The following USP7 variants were observed in gnomAD, a reference collection of about 807,000 sequenced individuals.
The protein encoded by USP7 is ubiquitin specific peptidase 7.
USP7 carries 9 observed loss-of-function variants against 162.9 expected under a neutral mutation model. The observed-to-expected ratio is 0.06, with a 90% CI of 0.03 to 0.10. The LOEUF (loss-of-function observed/expected upper bound fraction) is 0.10, where lower values mean the gene tolerates loss of function less well. Ranked by LOEUF, USP7 falls within the 10% of genes least tolerant of loss-of-function variation. USP7 has a pLI of 1.00. For missense variants in USP7, 715 were observed against 1,373.7 expected, an observed-to-expected ratio of 0.52 and a Z score of 7.58; for synonymous variants, 562 against 475.9, an observed-to-expected ratio of 1.18 and a Z score of -2.35.
intron 1 of USP7, among the ~76,000 whole-genome samples, chr16:8,952,886 G>A (rs1160966739): frequency 6.6e-6 from 1 of 151,692 alleles, no homozygotes; most frequent in Non-Finnish European, 1.5e-5. Context: ...GCCCAGGCTA[G>A]AGTGCACTGG....
chr16:8,899,025 T>C (rs2061733416), intron 23 of USP7, 96 bp downstream of exon 23: 3 of 1,313,508 alleles, frequency 2.3e-6, no homozygotes, highest in Non-Finnish European at 1.1e-6. Flanking sequence ...TCAGGTGAAA[T>C]GGCGAGCTAA....
intron 10 of USP7, among the ~76,000 whole-genome samples, chr16:8,913,505 G>A (rs556881007): frequency 3.9e-5 from 6 of 152,076 alleles, no homozygotes; most frequent in South Asian, 4.1e-4. Context: ...GCAAGAAGAC[G>A]GTAGAACGTC....
intron 14 of USP7, among the ~76,000 whole-genome samples, chr16:8,904,889 G>A (rs1021737028): frequency 2.6e-5 from 4 of 152,080 alleles, no homozygotes; most frequent in Non-Finnish European, 4.4e-5. Context: ...GGAGAGTGGC[G>A]AGAACCCGGG....
intron 23 of USP7, 91 bp from the exon 24 acceptor site, chr16:8,898,730 T>C (rs1437437414): frequency 9.5e-7 from 1 of 1,051,432 alleles, no homozygotes; most frequent in Non-Finnish European, 1.4e-6. Context: ...ACCGCTGGCC[T>C]TACACCTGGT....
At chr16:8,910,967 C>G (rs79666243) in intron 10 of USP7, 140 bp from the exon 11 acceptor site, 1 of 701,952 alleles carries the variant, frequency 1.4e-6, no homozygotes, top group Non-Finnish European at 2.4e-6. Context: ...CCCCCTGTAG[C>G]CAAGACTGTA....
chr16:8,942,301 A>G (rs562652557), intron 1 of USP7, among the ~76,000 whole-genome samples: 72 of 152,286 alleles, frequency 4.7e-4, no homozygotes, highest in African/African-American at 1.6e-3. Context: ...AGTCTGTCGG[A>G]CCTGAGACAG....
chr16:8,913,429 G>A (rs1428932410), intron 10 of USP7, among the ~76,000 whole-genome samples: 1 of 151,980 alleles, frequency 6.6e-6, no homozygotes, highest in Non-Finnish European at 1.5e-5. Context: ...ATGGGGGCTT[G>A]GGGCAGAGAA....
At chr16:8,928,544 C>T (rs1898140874) in intron 2 of USP7, among the ~76,000 whole-genome samples, 1 of 152,198 alleles carries the variant, frequency 6.6e-6, no homozygotes, top group African/African-American at 2.4e-5. Context: ...GAGGATTGCG[C>T]AATTTGTACT....
At chr16:8,939,580 A>T (rs1234443977) in intron 1 of USP7, among the ~76,000 whole-genome samples, 2 of 152,262 alleles carry the variant, frequency 1.3e-5, no homozygotes, top group African/African-American at 4.8e-5. Context: ...GCAACAATGC[A>T]GACATAGATA....
At chr16:8,929,476 C>G in intron 2 of USP7, 1 of 456,048 alleles carries the variant, frequency 2.2e-6, no homozygotes. Context: ...GGCAGGAGGT[C>G]TGAACAGCAG....
Position 8,899,693 on chromosome 16 carries a change from G to A in USP7, c.2374C>T (p.His792Tyr), listed in dbSNP as rs1219132622. The change falls in exon 22 of 31, where the codon CAC becomes TAC. Residue 792 changes from histidine (H) to tyrosine (Y), a missense_variant. Physicochemically the swap from His to Tyr is moderately conservative, Grantham distance 83. Around this residue, in one of 11 missense-constraint regions of USP7, gnomAD observed 222 missense variants for 441.7 expected, o/e 0.50. Coordinates refer to ENST00000344836, the MANE Select transcript of USP7 (RefSeq NM_003470.3). ...TAKEYFRDLY[H>Y]RVDVIFCDKT... ...TCACAGAAAATGACATCAACGCGGT[G>A]GTAGAGATCTCGGAAATACTCCTTT... The A allele has an allele frequency of 6.2e-7, 1 of 1,614,172 alleles. No individual in the cohort carries two copies. Among genetic ancestry groups the A allele is most frequent in the East Asian group, 2.2e-5 (1 of 44,882 alleles).
At chr16:8,961,830 T>C (rs1281045118) in intron 1 of USP7, among the ~76,000 whole-genome samples, 1 of 152,188 alleles carries the variant, frequency 6.6e-6, no homozygotes, top group Non-Finnish European at 1.5e-5. Flanking sequence ...TAATCACACA[T>C]AACAGGCGCT....
intron 1 of USP7, among the ~76,000 whole-genome samples, chr16:8,938,970 T>A (rs1286916461): frequency 6.6e-6 from 1 of 152,068 alleles, no homozygotes; most frequent in Non-Finnish European, 1.5e-5. Context: ...CTGGAACCAA[T>A]CCACCATTAA....
intron 22 of USP7, 196 bp from the exon 23 acceptor site, chr16:8,899,384 A>C: frequency 1.3e-6 from 1 of 764,608 alleles, no homozygotes; most frequent in Non-Finnish European, 2.1e-6. Context: ...TAACTTTGGA[A>C]AGGGTTTTCA....
At chr16:8,904,640 T>A in intron 14 of USP7, 75 bp from the exon 15 acceptor site, 1 of 1,565,766 alleles carries the variant, frequency 6.4e-7, no homozygotes, top group Admixed American at 1.9e-5. Context: ...TTCTAGGTCA[T>A]CATTAATAAA....
intron 1 of USP7, among the ~76,000 whole-genome samples, chr16:8,937,503 T>C (rs572139657): frequency 1.2e-4 from 19 of 152,222 alleles, no homozygotes; most frequent in Admixed American, 3.3e-4. Flanking sequence ...GATCACGCCA[T>C]TGCACTCCAG....
At chr16:8,954,621 C>G (rs751550271) in intron 1 of USP7, among the ~76,000 whole-genome samples, 3 of 152,114 alleles carry the variant, frequency 2.0e-5, no homozygotes. Flanking sequence ...GAAGACTTGC[C>G]AAAAACTTTA....
At chr16:8,896,313 A>T (rs985271818) in intron 26 of USP7, among the ~76,000 whole-genome samples, 1 of 152,168 alleles carries the variant, frequency 6.6e-6, no homozygotes, top group Non-Finnish European at 1.5e-5. Context: ...AAAGTTGCAT[A>T]AACCTTTCCC....
rs142575073 is a variant in USP7, at chr16:8,930,267, C to T, written c.184+26G>A. On this transcript the variant is annotated intron_variant, in intron 2 of 30. Coordinates refer to ENST00000344836, the MANE Select transcript of USP7 (RefSeq NM_003470.3). Reference sequence around the variant, plus strand: ...TTTTCTGACAAGTTTCCGCCCACTGCGAGGCGGTGAACCACAGGCACTTAC... The same window carrying T: ...TTTTCTGACAAGTTTCCGCCCACTGTGAGGCGGTGAACCACAGGCACTTAC... 1.6e-4 allele frequency: 256 copies of T among 1,577,340 alleles called. 2 individuals carry two copies. The East Asian group carries it at 4.7e-3, about 29-fold the overall frequency.
Sources: allele counts gnomAD v4.1 joint callset (sites outside exome capture counted in the v4.1 genomes callset), GRCh38; gene constraint gnomAD v4.1.1; regional missense constraint gnomAD v4.1.1; transcripts MANE v1.5; gene names NCBI Gene and HGNC (gene_info 2026-07-23, HGNC 2026-07-21).